The following CGGBP1 variants were observed in gnomAD, a reference collection of about 807,000 sequenced individuals.
The protein encoded by CGGBP1 is CGG triplet repeat binding protein 1, also known as CGG triplet repeat-binding protein 1.
CGGBP1 carries 4 observed loss-of-function variants against 11.4 expected under a neutral mutation model. The observed-to-expected ratio is 0.35, with a 90% CI of 0.17 to 0.80. The LOEUF is 0.80. Ranked by LOEUF, CGGBP1 falls within the 30% of genes least tolerant of loss-of-function variation. CGGBP1 has a pLI of 0.52. For missense variants in CGGBP1, 135 were observed against 202.1 expected, an observed-to-expected ratio of 0.67 and a Z score of 2.01; for synonymous variants, 76 against 74.1, an observed-to-expected ratio of 1.03 and a Z score of -0.13.
intron 2 of CGGBP1, among the ~76,000 whole-genome samples, chr3:88,103,764 T>A (rs1704571105): frequency 1.1e-3 from 2 of 1,794 alleles, no homozygotes; most frequent in Non-Finnish European, 0.05. Context: ...TGTATTAACT[T>A]TTTTTTTTTT....
Position 88,086,424 on chromosome 3 carries a change from T to C in CGGBP1, c.-228-28201A>G, listed in dbSNP as rs760160778. The C allele has an allele frequency of 4.1e-6, 6 of 1,457,582 alleles. No homozygotes were observed. The South Asian group carries it at 5.5e-5, about 13-fold the overall frequency. 90.3% of individuals were successfully genotyped at this position (1,457,582 alleles called of 1,614,324 possible). ...CTGTGTAAGTACTTTTTACTTCTTA[T>C]AAATGCATTATTTTTCTTGATGTGT... is the stretch of plus-strand genomic sequence containing the variant. On this transcript the variant is annotated intron_variant, in intron 2 of 3. Transcript: ENST00000462901.
At chr3:88,109,595 A>G (rs1465006905) in intron 2 of CGGBP1, among the ~76,000 whole-genome samples, 1 of 152,136 alleles carries the variant, frequency 6.6e-6, no homozygotes, top group South Asian at 2.1e-4. Context: ...ACAGAAATCC[A>G]AAAAAGAGTA....
At chr3:88,075,055 T>G (rs185387472) in intron 2 of CGGBP1, among the ~76,000 whole-genome samples, 1 of 152,350 alleles carries the variant, frequency 6.6e-6, no homozygotes, top group East Asian at 1.9e-4. Flanking sequence ...TTTGCAAAGT[T>G]TACAAATTTC....
chr3:88,085,195 TA>T (rs988177608), intron 2 of CGGBP1, among the ~76,000 whole-genome samples: 3 of 152,164 alleles, frequency 2.0e-5, no homozygotes, highest in African/African-American at 7.2e-5. Flanking sequence ...CTAGTTTTCT[TA>T]GCTTATGTAT....
chr3:88,145,740 TAGAA>T (rs571052850), intron 1 of CGGBP1, among the ~76,000 whole-genome samples: 57 of 152,296 alleles, frequency 3.7e-4, no homozygotes, highest in Non-Finnish European at 6.8e-4. Flanking sequence ...TTGTAAATGA[TAGAA>T]AGTTTCATGC....
chr3:88,084,121 C>A (rs1316525757), intron 2 of CGGBP1, among the ~76,000 whole-genome samples: 1 of 152,116 alleles, frequency 6.6e-6, no homozygotes, highest in African/African-American at 2.4e-5. Flanking sequence ...GGAGGTGTTG[C>A]CCACAAGGAC....
chr3:88,139,562 G>A lies in CGGBP1; in HGVS notation c.-229+1408C>T, dbSNP rs1468326918. The A allele has an allele frequency of 3.1e-6, 5 of 1,613,556 alleles. No homozygotes were observed. In the South Asian group the frequency reaches 4.4e-5, roughly 14 times the overall value. On this transcript the variant is annotated intron_variant, in intron 2 of 3. Coordinates refer to the CGGBP1 transcript ENST00000462901. ...GTTCTTCCATTTCATTTGAAAATGG[G>A]AATTCTGATAGTAAGGATTTGGAAG...
intron 2 of CGGBP1, chr3:88,140,703 A>C: frequency 5.6e-6 from 9 of 1,613,758 alleles, no homozygotes; most frequent in Non-Finnish European, 7.6e-6. Flanking sequence ...CATTTTGCCC[A>C]GTGTTGTACC....
intron 2 of CGGBP1, chr3:88,086,280 A>T (rs1708332809): frequency 6.5e-7 from 1 of 1,533,986 alleles, no homozygotes; most frequent in African/African-American, 1.4e-5. Context: ...ATGCTGGAAG[A>T]TGGCAGGTCC....
rs1326214022 is a variant in CGGBP1 at position 88,052,652 on chromosome 3, CTTT to C, written c.*2818_*2820del. The C allele has an allele frequency of 6.6e-6, 1 of 152,286 alleles. No homozygotes were observed. The highest frequency in any genetic ancestry group is 1.9e-4 in the East Asian group (1 of 5,196). 9.4% of individuals were successfully genotyped at this position (152,286 alleles called of 1,614,324 possible). ...TTGGTTACCATTATAAGATGCAGAACTTTTTAATGTTTTCTGGTCCCTGAAAAT... is the reference window on the plus strand; with the variant it reads ...TTGGTTACCATTATAAGATGCAGAACTTAATGTTTTCTGGTCCCTGAAAAT... On this transcript the variant is annotated 3_prime_UTR_variant, in exon 4 of 4. Transcript: ENST00000482016.
intron 2 of CGGBP1, among the ~76,000 whole-genome samples, chr3:88,098,064 C>A (rs1704173155): frequency 6.6e-6 from 1 of 151,968 alleles, no homozygotes; most frequent in African/African-American, 2.4e-5. Context: ...AAACGATCAA[C>A]AAAATTGACA....
intron 1 of CGGBP1, among the ~76,000 whole-genome samples, chr3:88,145,745 A>G (rs1707301355): frequency 6.6e-6 from 1 of 152,054 alleles, no homozygotes; most frequent in South Asian, 2.1e-4. Flanking sequence ...AATGATAGAA[A>G]GTTTCATGCC....
intron 2 of CGGBP1, among the ~76,000 whole-genome samples, chr3:88,111,225 T>C (rs1207198096): frequency 6.6e-6 from 1 of 152,034 alleles, no homozygotes; most frequent in Non-Finnish European, 1.5e-5. Flanking sequence ...GCTTGTTTTA[T>C]ACTTATTAAT....
chr3:88,113,004 C>A (rs1227705733), intron 2 of CGGBP1: 5 of 709,764 alleles, frequency 7.0e-6, no homozygotes, highest in African/African-American at 1.8e-5. Flanking sequence ...TTTTTTAAAC[C>A]AAAATATTTT....
chr3:88,116,618 G>A (rs1422817394), intron 2 of CGGBP1, among the ~76,000 whole-genome samples: 1 of 151,564 alleles, frequency 6.6e-6, no homozygotes, highest in Non-Finnish European at 1.5e-5. Context: ...TATGTTGTGT[G>A]TGTGTGTGTA....
chr3:88,134,320 A>G (rs1225113706), intron 2 of CGGBP1, among the ~76,000 whole-genome samples: 3 of 152,104 alleles, frequency 2.0e-5, no homozygotes, highest in Non-Finnish European at 4.4e-5. Flanking sequence ...CACTTTTAAA[A>G]AATATTTTCA....
intron 1 of CGGBP1, 51 bp from the exon 2 acceptor site, chr3:88,058,274 G>A (rs1019042649): frequency 6.6e-6 from 1 of 152,332 alleles, no homozygotes; most frequent in Non-Finnish European, 1.5e-5. Flanking sequence ...ACGGAAGGAG[G>A]GTGACTGAAA....
intron 2 of CGGBP1, chr3:88,129,034 C>A: frequency 6.6e-7 from 1 of 1,505,806 alleles, no homozygotes; most frequent in Non-Finnish European, 8.9e-7. Context: ...ACTATTTTTG[C>A]CTATTACCAT....
chr3:88,059,157 G>C, upstream of CGGBP1: 2 of 1,328,764 alleles, frequency 1.5e-6, no homozygotes, highest in Non-Finnish European at 9.9e-7. Flanking sequence ...AAAACTGGGG[G>C]CGTGGGTGGG....
Sources: gnomAD v4.1 joint callset for allele counts (sites outside exome capture counted in the v4.1 genomes callset) on GRCh38, gnomAD v4.1.1 for gene constraint, MANE v1.5 for transcripts, NCBI Gene and HGNC (gene_info 2026-07-23, HGNC 2026-07-21) for gene names.